Variants in KCNQ1 observed in about 807,000 individuals in gnomAD.
KCNQ1 encodes the protein potassium voltage-gated channel subfamily Q member 1.
Under a neutral mutation model 72.4 loss-of-function variants are expected in KCNQ1, and 49 were observed. That is an observed-to-expected ratio of 0.68 (90% CI 0.54 to 0.86). KCNQ1 has a LOEUF of 0.86. Among genes scored for constraint, KCNQ1 ranks in the 40% least tolerant of loss-of-function variants. KCNQ1 has a pLI of 0.00. For missense variants in KCNQ1, 790 were observed against 945.1 expected, an observed-to-expected ratio of 0.84 and a Z score of 2.15; for synonymous variants, 450 against 412.6, an observed-to-expected ratio of 1.09 and a Z score of -1.10.
At chr11:2,589,308 G>T (rs1188002525) in intron 10 of KCNQ1, among the ~76,000 whole-genome samples, 2 of 152,290 alleles carry the variant, frequency 1.3e-5, no homozygotes, top group African/African-American at 4.8e-5. Flanking sequence ...GGGCCTGACG[G>T]GACAGGCCCT....
In KCNQ1 at chr11:2,652,901, C is replaced by T. The variant is rs1849779345; in HGVS notation, c.1394-9060C>T. 1 of 398,528 alleles carries T rather than the reference C, an allele frequency of 2.5e-6. No individual in the cohort carries two copies. The highest frequency in any genetic ancestry group is 4.4e-6 in the Non-Finnish European group (1 of 226,098). The allele number at this position is 398,528 out of a possible 1,614,324, so 24.7% of individuals were successfully genotyped here. A position where few individuals can be genotyped will look rare whatever the true frequency, so the allele number is the denominator to read the frequency against. ...TGTTTGGGGTGTGGGGTGTGGTCCT[C>T]AGTATCCTAAACTTAGGTTTTGGAA... On this transcript the variant is annotated intron_variant, in intron 10 of 15. Transcript: ENST00000155840. This position sits in a 1 kb window ranked among gnomAD's most constrained non-coding sequence, Gnocchi z 5.9.
Position 2,588,752 on chromosome 11 carries a change from G to A in KCNQ1, c.1291G>A (p.Val431Met), listed in dbSNP as rs764236591. 1 of 1,613,570 alleles carries A rather than the reference G, an allele frequency of 6.2e-7. No individual in the cohort carries two copies. ...KKFKLDKDNG[V>M]TPGEKMLTVP... is the part of the protein sequence containing the mutation. ...GTTCAAGCTGGACAAAGACAATGGG[G>A]TGACTCCTGGAGAGAAGATGCTCAC... Residue 431 changes from valine to methionine, a missense_variant, in exon 10 of 16, where the codon GTG becomes ATG. Around this residue, in one of 5 missense-constraint regions of KCNQ1, gnomAD observed 178 missense variants for 177.9 expected, o/e 1.00. Coordinates refer to ENST00000155840, the MANE Select transcript of KCNQ1 (RefSeq NM_000218.3). The surrounding 1 kb of genome is among the most constrained non-coding windows in gnomAD (Gnocchi z 5.6).
At chr11:2,836,502 G>A (rs1344070350) in intron 15 of KCNQ1, among the ~76,000 whole-genome samples, 2 of 152,210 alleles carry the variant, frequency 1.3e-5, no homozygotes, top group South Asian at 2.1e-4. Context: ...CAGAAGAGGG[G>A]ACCCCTCCCC....
rs1851029493 is a variant in KCNQ1, at chr11:2,712,930, C to A, written c.1514+50849C>A. Reference sequence around the variant, plus strand: ...AAGGCAGTTGTCAGAGCAAGATCAGCTCCCTGGAAGACACCCGGGTTGTAA... The same window carrying A: ...AAGGCAGTTGTCAGAGCAAGATCAGATCCCTGGAAGACACCCGGGTTGTAA... On this transcript the variant is annotated intron_variant, in intron 11 of 15. Transcript: ENST00000155840. The surrounding 1 kb of genome is among the most constrained non-coding windows in gnomAD (Gnocchi z 6.4). Among the ~76,000 whole-genome samples, 1 of 152,176 alleles carries A rather than the reference C, an allele frequency of 6.6e-6. No individual in the cohort carries two copies. Among genetic ancestry groups the A allele is most frequent in the Non-Finnish European group, 1.5e-5 (1 of 68,040 alleles).
rs543178458 is a variant in KCNQ1 at position 2,562,992 on chromosome 11, A to G, written c.478-7636A>G. Among the ~76,000 whole-genome samples the G allele has an allele frequency of 4.6e-5, 7 of 152,332 alleles. No individual in the cohort carries two copies. In the East Asian group the frequency reaches 1.3e-3, roughly 29 times the overall value. ...AAAGTCCTCGCGATAAGGGTCTGCG[A>G]GGCTTCCTTTATGTTTTGCAAAAAA... is the stretch of plus-strand genomic sequence containing the variant. On this transcript the variant is annotated intron_variant, in intron 2 of 15. Coordinates refer to ENST00000155840, the MANE Select transcript of KCNQ1 (RefSeq NM_000218.3). This position sits in a 1 kb window ranked among gnomAD's most constrained non-coding sequence, Gnocchi z 7.5.
In KCNQ1 at chr11:2,483,283, T is replaced by G. The variant is rs571107605; in HGVS notation, c.386+37799T>G. The stretch of plus-strand genomic sequence containing the variant: ...GTGATGAGGGACAACATCAGTCCTC[T>G]CTTGGCTTCTGTACTTTAAAAAAAT... On this transcript the variant is annotated intron_variant, in intron 1 of 15. Transcript: ENST00000155840. This position sits in a 1 kb window ranked among gnomAD's most constrained non-coding sequence, Gnocchi z 6.1. Among the ~76,000 whole-genome samples the G allele has an allele frequency of 6.6e-6, 1 of 152,322 alleles. No individual in the cohort carries two copies. The highest frequency in any genetic ancestry group is 1.9e-4 in the East Asian group (1 of 5,184).
chr11:2,477,271 T>G lies in KCNQ1; in HGVS notation c.386+31787T>G, dbSNP rs1166449676. On this transcript the variant is annotated intron_variant, in intron 1 of 15. Coordinates refer to ENST00000155840, the MANE Select transcript of KCNQ1 (RefSeq NM_000218.3). The surrounding 1 kb of genome is among the most constrained non-coding windows in gnomAD (Gnocchi z 5.0). ...CCGTATGGGCATTCACTGGACAGTG[T>G]TTTCATCCCGTATGTTTGAACAATT... is the stretch of plus-strand genomic sequence containing the variant. Among the ~76,000 whole-genome samples, 1 of 152,156 alleles carries G rather than the reference T, an allele frequency of 6.6e-6. No homozygotes were observed. Among genetic ancestry groups the G allele is most frequent in the Non-Finnish European group, 1.5e-5 (1 of 68,036 alleles).
At chr11:2,680,258 A>G (rs1850371513) in intron 11 of KCNQ1, 2 of 397,226 alleles carry the variant, frequency 5.0e-6, no homozygotes, top group Non-Finnish European at 8.9e-6. Flanking sequence ...TTCATATCCC[A>G]TTGGCATTTG....
At chr11:2,469,235 C>T (rs1317338280) in intron 1 of KCNQ1, among the ~76,000 whole-genome samples, 5 of 151,502 alleles carry the variant, frequency 3.3e-5, no homozygotes, top group Non-Finnish European at 5.9e-5. Flanking sequence ...GTTAAGAAAA[C>T]GTGGGTGGTT....
At chr11:2,798,511 T>A (rs1203927194) in intron 15 of KCNQ1, among the ~76,000 whole-genome samples, 1 of 151,100 alleles carries the variant, frequency 6.6e-6, no homozygotes, top group Admixed American at 6.6e-5. Context: ...GTTTTTAAAC[T>A]AATTCATTGG....
intron 11 of KCNQ1, among the ~76,000 whole-genome samples, chr11:2,749,641 C>CAAAAAAAAA (rs35701102): frequency 1.0e-3 from 90 of 85,802 alleles, no homozygotes; most frequent in Non-Finnish European, 1.5e-3. Flanking sequence ...ACTAAAAATA[C>CAAAAAAAAA]AAAAAAAAAA....
Position 2,663,004 on chromosome 11 carries a change from C to A in KCNQ1, c.1514+923C>A. On this transcript the variant is annotated intron_variant, in intron 11 of 15. Coordinates refer to ENST00000155840, the MANE Select transcript of KCNQ1 (RefSeq NM_000218.3). This position sits in a 1 kb window ranked among gnomAD's most constrained non-coding sequence, Gnocchi z 5.2. ...AGGTGCAAGGCCTGGCCTTGCAAATCACTGAGGAAATCGGGACCCATGGTG... is the reference window on the plus strand; with the variant it reads ...AGGTGCAAGGCCTGGCCTTGCAAATAACTGAGGAAATCGGGACCCATGGTG... The A allele has an allele frequency of 2.5e-6, 1 of 398,730 alleles. No homozygotes were observed. Among genetic ancestry groups the A allele is most frequent in the South Asian group, 1.3e-4 (1 of 7,848 alleles). The allele number at this position is 398,730 out of a possible 1,614,324, so 24.7% of individuals were successfully genotyped here.
chr11:2,641,555 G>T, intron 10 of KCNQ1: 1 of 398,428 alleles, frequency 2.5e-6, no homozygotes, highest in Non-Finnish European at 4.4e-6. Context: ...CAGATGAGTA[G>T]TTTGCAAATA....
At chr11:2,831,566 G>C (rs1029067574) in intron 15 of KCNQ1, among the ~76,000 whole-genome samples, 1 of 152,056 alleles carries the variant, frequency 6.6e-6, no homozygotes, top group Non-Finnish European at 1.5e-5. Context: ...ACTTCAGTCA[G>C]TTTCCTCTTG....
At chr11:2,496,876 C>CTGGTGGTG (rs944677856) in intron 1 of KCNQ1, among the ~76,000 whole-genome samples, 3 of 151,940 alleles carry the variant, frequency 2.0e-5, no homozygotes, top group Non-Finnish European at 4.4e-5. Flanking sequence ...TAAGGCAAGC[C>CTGGTGGTG]TCAGCATTTG....
rs554698776 is a variant in KCNQ1 at position 2,571,407 on chromosome 11, C to T, written c.683+4C>T. 13 of 1,609,164 alleles carry T rather than the reference C, an allele frequency of 8.1e-6. No homozygotes were observed. The highest frequency in any genetic ancestry group is 2.2e-5 in the East Asian group (1 of 44,848). The stretch of plus-strand genomic sequence containing the variant: ...TGTTTGCCACGTCGGCCATCAGGTG[C>T]GTCTGTGCCACAAGCTCCCCCCGCC... On this transcript the variant is annotated splice_donor_region_variant and intron_variant, in intron 4 of 15. Coordinates refer to ENST00000155840, the MANE Select transcript of KCNQ1 (RefSeq NM_000218.3).
chr11:2,499,767 A>G (rs1038411335), intron 1 of KCNQ1, among the ~76,000 whole-genome samples: 3 of 152,196 alleles, frequency 2.0e-5, no homozygotes, highest in Non-Finnish European at 4.4e-5. Flanking sequence ...AAGACGATAT[A>G]ACAATTTCAA....
intron 11 of KCNQ1, chr11:2,697,392 G>A (rs1442156329): frequency 7.5e-6 from 3 of 398,418 alleles, no homozygotes; most frequent in African/African-American, 2.1e-5. Context: ...TCTTTTTCTT[G>A]TATTAGGGTA....
rs890656194 is a variant in KCNQ1, at chr11:2,576,677, C to T, written c.921+3691C>T. Among the ~76,000 whole-genome samples the T allele has an allele frequency of 3.7e-4, 57 of 152,368 alleles. 1 individual carries two copies. The highest frequency in any genetic ancestry group is 1.1e-3 in the African/African-American group (45 of 41,590). Reference sequence around the variant, plus strand: ...CCAGAAATTCCCGCCTCCCTGGCAACGCTGCACCCTGGCGGGGCAAGGCCA... The same window carrying T: ...CCAGAAATTCCCGCCTCCCTGGCAATGCTGCACCCTGGCGGGGCAAGGCCA... On this transcript the variant is annotated intron_variant, in intron 6 of 15. Transcript: ENST00000155840.
Sources: allele counts gnomAD v4.1 joint callset (sites outside exome capture counted in the v4.1 genomes callset), GRCh38; gene constraint gnomAD v4.1.1; regional missense constraint gnomAD v4.1.1; non-coding constraint Gnocchi (gnomAD v3.1); transcripts MANE v1.5; gene names NCBI Gene and HGNC (gene_info 2026-07-23, HGNC 2026-07-21).